SMAGP: variants seen among roughly 807,000 people sequenced by gnomAD.
SMAGP encodes the protein small cell adhesion glycoprotein.
In SMAGP, 7 loss-of-function variants were observed where a neutral mutation model predicts 10.1. That is an observed-to-expected ratio of 0.70 (90% CI 0.40 to 1.31). The LOEUF (loss-of-function observed/expected upper bound fraction) is 1.31, where lower values mean the gene tolerates loss of function less well. SMAGP is among the 50% of genes most tolerant of loss of function. The pLI is 0.01. For missense variants in SMAGP, 113 were observed against 116.5 expected (o/e 0.97, Z 0.14); for synonymous variants, 49 against 47.2 (o/e 1.04, Z -0.16).
chr12:51,256,330 A>T (rs1944883902), intron 2 of SMAGP, among the ~76,000 whole-genome samples: 1 of 152,138 alleles, frequency 6.6e-6, no homozygotes, highest in Admixed American at 6.6e-5. Flanking sequence ...TCACGCCTGT[A>T]ATCTTAGCAC....
intron 2 of SMAGP, among the ~76,000 whole-genome samples, chr12:51,259,990 C>T (rs1360070089): frequency 1.3e-5 from 2 of 152,136 alleles, no homozygotes; most frequent in Non-Finnish European, 2.9e-5. Context: ...GCTTGGATTA[C>T]AGGTGTGTGC....
At chr12:51,265,898 C>G (rs1045526585) in intron 2 of SMAGP, among the ~76,000 whole-genome samples, 1 of 152,012 alleles carries the variant, frequency 6.6e-6, no homozygotes, top group Admixed American at 6.6e-5. Flanking sequence ...CTGGCTAACA[C>G]GGTGAAACCC....
intron 2 of SMAGP, among the ~76,000 whole-genome samples, chr12:51,256,359 G>T (rs1944884211): frequency 6.6e-6 from 1 of 152,272 alleles, no homozygotes; most frequent in Non-Finnish European, 1.5e-5. Context: ...GCTGAGGCCA[G>T]AGGATCACTT....
In SMAGP at chr12:51,262,039, T is replaced by C. The variant is rs1944936626; in HGVS notation, c.34+7206A>G. On this transcript the variant is annotated intron_variant, in intron 2 of 3. Coordinates refer to ENST00000603798, the MANE Select transcript of SMAGP (RefSeq NM_001031628.2). Reference sequence around the variant, plus strand: ...GATTGCTTGAGGCCAGAAGTTTGAGTCCAGCCTGGGCAACATAGCGAGACC... The same window carrying C: ...GATTGCTTGAGGCCAGAAGTTTGAGCCCAGCCTGGGCAACATAGCGAGACC... 4.7e-5 allele frequency among the ~76,000 whole-genome samples: 7 copies of C among 147,708 alleles called. No homozygotes were observed. The South Asian group carries it at 1.3e-3, about 27-fold the overall frequency.
chr12:51,255,564 A>G (rs569739479), intron 2 of SMAGP, among the ~76,000 whole-genome samples: 1 of 152,284 alleles, frequency 6.6e-6, no homozygotes, highest in South Asian at 2.1e-4. Flanking sequence ...GGCTCAGCTG[A>G]CTGCCAGACA....
chr12:51,246,765 G>T lies in SMAGP; in HGVS notation c.101C>A (p.Thr34Lys). Reference sequence around the variant, plus strand: ...GAGTCTATTACCTGCAATGAGTGCTGTGCTGGCTCCATCTTCTGGGGACAG... The same window carrying T: ...GAGTCTATTACCTGCAATGAGTGCTTTGCTGGCTCCATCTTCTGGGGACAG... ...EALSPEDGASTALIAVVITVV... is the reference protein window; with the variant it reads ...EALSPEDGASKALIAVVITVV... The change falls in exon 3 of 4, where the codon ACA becomes AAA. Residue 34 changes from threonine (T) to lysine (K), a missense_variant. By Grantham distance (78) the Thr-to-Lys change is moderately conservative. Transcript: ENST00000603798. 6.3e-7 allele frequency: 1 copy of T among 1,588,922 alleles called. No individual in the cohort carries two copies. The highest frequency in any genetic ancestry group is 8.6e-7 in the Non-Finnish European group (1 of 1,167,768).
At chr12:51,266,518 T>C (rs902810058) in intron 2 of SMAGP, among the ~76,000 whole-genome samples, 12 of 151,190 alleles carry the variant, frequency 7.9e-5, no homozygotes, top group African/African-American at 2.9e-4. Context: ...CTATAGTAAA[T>C]AAGACATTTT....
rs183176154 is a variant in SMAGP at position 51,247,691 on chromosome 12, G to A, written c.35-860C>T. ...GTCTCCTGGGGAAAACCAGCTGGCTGATCCTGGCAACACCCACAGGAGGCA... is the reference window on the plus strand; with the variant it reads ...GTCTCCTGGGGAAAACCAGCTGGCTAATCCTGGCAACACCCACAGGAGGCA... On this transcript the variant is annotated intron_variant, in intron 2 of 3. Transcript: ENST00000603798. Among the ~76,000 whole-genome samples the A allele has an allele frequency of 7.9e-5, 12 of 152,290 alleles. No homozygotes were observed. In the East Asian group the frequency reaches 2.3e-3, roughly 29 times the overall value.
rs1386677194 is a variant in SMAGP, at chr12:51,244,706, G to A, written c.*1235C>T. ...TTGGCTTGATTCTGAGGATACACTG[G>A]GAAAGGTGGTAGGTTGATTTTTTCT... On this transcript the variant is annotated 3_prime_UTR_variant, in exon 4 of 4. Coordinates refer to ENST00000603798, the MANE Select transcript of SMAGP (RefSeq NM_001031628.2). 6.6e-6 allele frequency: 1 copy of A among 152,134 alleles called. No homozygotes were observed. The highest frequency in any genetic ancestry group is 6.6e-5 in the Admixed American group (1 of 15,264). The allele number at this position is 152,134 out of a possible 1,614,324, so 9.4% of individuals were successfully genotyped here. A position where few individuals can be genotyped will look rare whatever the true frequency, so the allele number is the denominator to read the frequency against.
chr12:51,250,518 TTTTG>T (rs1171612258), intron 2 of SMAGP, among the ~76,000 whole-genome samples: 6 of 151,416 alleles, frequency 4.0e-5, no homozygotes, highest in African/African-American at 1.5e-4. Flanking sequence ...TTTGTTTTTT[TTTTG>T]TTGTTGTTGT....
intron 2 of SMAGP, among the ~76,000 whole-genome samples, chr12:51,250,654 T>C (rs895918558): frequency 1.3e-5 from 2 of 152,108 alleles, no homozygotes; most frequent in African/African-American, 4.8e-5. Context: ...AATGCTGGGA[T>C]TATAAGCGTG....
At chr12:51,264,071 T>C (rs1190991123) in intron 2 of SMAGP, among the ~76,000 whole-genome samples, 2 of 152,148 alleles carry the variant, frequency 1.3e-5, no homozygotes, top group African/African-American at 4.8e-5. Flanking sequence ...ATGTGGCCCT[T>C]CCTTTCAAGG....
At chr12:51,258,176 A>G (rs2137304117) in intron 2 of SMAGP, among the ~76,000 whole-genome samples, 1 of 152,254 alleles carries the variant, frequency 6.6e-6, no homozygotes, top group East Asian at 1.9e-4. Flanking sequence ...AAATAAATTA[A>G]TTAATAATTA....
At chr12:51,250,056 G>A (rs1160591009) in intron 2 of SMAGP, among the ~76,000 whole-genome samples, 1 of 151,646 alleles carries the variant, frequency 6.6e-6, no homozygotes, top group Non-Finnish European at 1.5e-5. Context: ...ATTATTTAAG[G>A]TGACTTTGTT....
chr12:51,260,361 G>T (rs1944921216), intron 2 of SMAGP, among the ~76,000 whole-genome samples: 1 of 151,588 alleles, frequency 6.6e-6, no homozygotes. Context: ...CCGGCTGATT[G>T]TTTTTTTTGT....
At chr12:51,266,535 G>A (rs1008999959) in intron 2 of SMAGP, among the ~76,000 whole-genome samples, 2 of 151,610 alleles carry the variant, frequency 1.3e-5, no homozygotes, top group African/African-American at 4.8e-5. Flanking sequence ...TTTTAAGTGA[G>A]AGAGACCATT....
rs577104163 is a variant in SMAGP, at chr12:51,246,002, G to A, written c.233C>T (p.Ala78Val). The A allele has an allele frequency of 1.3e-5, 21 of 1,613,924 alleles. No individual in the cohort carries two copies. The highest frequency in any genetic ancestry group is 7.7e-5 in the South Asian group (7 of 91,072). Reference sequence around the variant, plus strand: ...CAAGTCACTCTCCATCTGGACGATGGCACTGGGCTCACCTTCTGTAGGTTC... The same window carrying A: ...CAAGTCACTCTCCATCTGGACGATGACACTGGGCTCACCTTCTGTAGGTTC... The part of the protein sequence containing the change: ...TYEPTEGEPS[A>V]IVQMESDLAK... The change falls in exon 4 of 4, where the codon GCC becomes GTC. Residue 78 changes from alanine (A) to valine (V), a missense_variant. Ala to Val is a moderately conservative substitution (Grantham distance 64, BLOSUM62 0). Coordinates refer to ENST00000603798, the MANE Select transcript of SMAGP (RefSeq NM_001031628.2).
In SMAGP at chr12:51,263,972, T is replaced by C. The variant is rs898562308; in HGVS notation, c.34+5273A>G. 2.0e-5 allele frequency among the ~76,000 whole-genome samples: 3 copies of C among 152,076 alleles called. No individual in the cohort carries two copies. The East Asian group carries it at 5.8e-4, about 29-fold the overall frequency. On this transcript the variant is annotated intron_variant, in intron 2 of 3. Transcript: ENST00000603798. Reference sequence around the variant, plus strand: ...TATTATATTATATTCTTCCTTACACTGATGCAGTTGTAAAATATGATTTTT... The same window carrying C: ...TATTATATTATATTCTTCCTTACACCGATGCAGTTGTAAAATATGATTTTT...
chr12:51,268,740 C>G (rs1341810685), intron 2 of SMAGP, among the ~76,000 whole-genome samples: 4 of 152,136 alleles, frequency 2.6e-5, no homozygotes, highest in Admixed American at 2.6e-4. Context: ...TGCACCACCA[C>G]GCCTGGCTAA....
Sources: gnomAD v4.1 joint callset for allele counts (sites outside exome capture counted in the v4.1 genomes callset) on GRCh38, gnomAD v4.1.1 for gene constraint, MANE v1.5 for transcripts, NCBI Gene and HGNC (gene_info 2026-07-23, HGNC 2026-07-21) for gene names.